The following DOCK3 variants were observed in gnomAD, a reference collection of about 807,000 sequenced individuals.
The protein encoded by DOCK3 is dedicator of cytokinesis 3, also known as dedicator of cytokinesis protein 3.
In DOCK3, 60 loss-of-function variants were observed where a neutral mutation model predicts 265.6. The observed-to-expected ratio is 0.23, with a 90% CI of 0.18 to 0.28. DOCK3 has a LOEUF of 0.28. Ranked by LOEUF, DOCK3 falls within the 10% of genes least tolerant of loss-of-function variation. The pLI, the probability that DOCK3 is intolerant of heterozygous loss-of-function variation, is 1.00. For missense variants in DOCK3, 1,981 were observed against 2,594.3 expected (o/e 0.76, Z 5.14); for synonymous variants, 881 against 938.0 (o/e 0.94, Z 1.11).
At chr3:50,723,881 A>G (rs2037635407) in intron 1 of DOCK3, among the ~76,000 whole-genome samples, 1 of 152,230 alleles carries the variant, frequency 6.6e-6, no homozygotes. Context: ...TCTTCACAGC[A>G]AAAGAAACTA....
chr3:50,816,275 T>A (rs568997328), intron 2 of DOCK3, among the ~76,000 whole-genome samples: 1 of 152,068 alleles, frequency 6.6e-6, no homozygotes, highest in South Asian at 2.1e-4. Context: ...TTTTTCATTG[T>A]TTTTAGGATT....
intron 2 of DOCK3, among the ~76,000 whole-genome samples, chr3:50,779,541 G>A (rs941509893): frequency 3.3e-5 from 5 of 151,866 alleles, no homozygotes; most frequent in Non-Finnish European, 7.4e-5. Context: ...CCACCACCAC[G>A]CCCAGCTAAT....
rs370291336 is a variant in DOCK3, at chr3:50,920,850, A to G, written c.219-13131A>G. 4.5e-4 allele frequency among the ~76,000 whole-genome samples: 68 copies of G among 152,062 alleles called. No homozygotes were observed. The Middle Eastern group carries it at 0.01, about 23-fold the overall frequency. On this transcript the variant is annotated intron_variant, in intron 4 of 52. Coordinates refer to ENST00000266037, the MANE Select transcript of DOCK3 (RefSeq NM_004947.5). Reference sequence around the variant, plus strand: ...TTTTAATTGTGATGTTAGGGTGTCAATTTTAGATCTTTCCTGCTTTCTCTT... The same window carrying G: ...TTTTAATTGTGATGTTAGGGTGTCAGTTTTAGATCTTTCCTGCTTTCTCTT...
At chr3:51,026,003 G>A (rs535522699) in intron 5 of DOCK3, among the ~76,000 whole-genome samples, 20 of 152,042 alleles carry the variant, frequency 1.3e-4, no homozygotes, top group African/African-American at 4.8e-4. Flanking sequence ...CAAAGGGTCT[G>A]TAGATTCTTT....
chr3:51,033,942 C>G (rs957822006), intron 5 of DOCK3, among the ~76,000 whole-genome samples: 2 of 152,134 alleles, frequency 1.3e-5, no homozygotes, highest in Non-Finnish European at 2.9e-5. Flanking sequence ...ACTTAAGCCT[C>G]ACAGTAAGTT....
chr3:50,789,541 G>A (rs188559245), intron 2 of DOCK3, among the ~76,000 whole-genome samples: 1 of 152,248 alleles, frequency 6.6e-6, no homozygotes, highest in East Asian at 1.9e-4. Flanking sequence ...TGGTCTTTCT[G>A]TCTTGATAAC....
chr3:51,040,303 A>C (rs1341010237), intron 5 of DOCK3, among the ~76,000 whole-genome samples: 2 of 152,130 alleles, frequency 1.3e-5, no homozygotes, highest in Middle Eastern at 3.2e-3. Context: ...GAGGTACTGT[A>C]AATGTGGTTC....
intron 5 of DOCK3, among the ~76,000 whole-genome samples, chr3:50,996,452 T>C (rs1194013875): frequency 6.6e-6 from 1 of 152,054 alleles, no homozygotes; most frequent in East Asian, 1.9e-4. Context: ...CTCCTAACCT[T>C]GTGATCCGCC....
At chr3:51,106,371 C>T (rs113324607) in intron 9 of DOCK3, among the ~76,000 whole-genome samples, 1 of 152,360 alleles carries the variant, frequency 6.6e-6, no homozygotes, top group African/African-American at 2.4e-5. Context: ...TGACAGGCTG[C>T]AGCCCACCCA....
At chr3:51,317,027 T>C (rs1308935960) in intron 32 of DOCK3, among the ~76,000 whole-genome samples, 1 of 152,124 alleles carries the variant, frequency 6.6e-6, no homozygotes, top group Non-Finnish European at 1.5e-5. Context: ...CCAAGAACTT[T>C]TTCTTAACAT....
intron 1 of DOCK3, among the ~76,000 whole-genome samples, chr3:50,747,396 G>T (rs1336823610): frequency 6.6e-6 from 1 of 152,138 alleles, no homozygotes; most frequent in East Asian, 1.9e-4. Context: ...AATTTGGAGA[G>T]AATCATCATC....
chr3:50,701,092 T>C (rs1228863426), intron 1 of DOCK3, among the ~76,000 whole-genome samples: 1 of 152,038 alleles, frequency 6.6e-6, no homozygotes, highest in Non-Finnish European at 1.5e-5. Flanking sequence ...TATGTTTTCT[T>C]TGGAGAATGT....
chr3:51,352,855 T>TCAGC (rs1188032129), intron 40 of DOCK3, among the ~76,000 whole-genome samples: 1 of 152,190 alleles, frequency 6.6e-6, no homozygotes, highest in Non-Finnish European at 1.5e-5. Flanking sequence ...AAACCAACAG[T>TCAGC]CAGCCTCAAG....
chr3:51,230,296 G>A (rs1011525750), intron 19 of DOCK3, among the ~76,000 whole-genome samples: 2 of 152,068 alleles, frequency 1.3e-5, no homozygotes, highest in African/African-American at 2.4e-5. Context: ...GTAGTCCCCA[G>A]TGTCTACTGT....
chr3:51,312,208 G>C (rs1040030902), intron 29 of DOCK3, 129 bp downstream of exon 29: 12 of 871,280 alleles, frequency 1.4e-5, no homozygotes, highest in Non-Finnish European at 2.1e-5. Flanking sequence ...ATGATGATTA[G>C]AATATGACCT....
intron 40 of DOCK3, 87 bp from the exon 41 acceptor site, chr3:51,354,795 T>A: frequency 6.5e-7 from 1 of 1,538,742 alleles, no homozygotes; most frequent in Non-Finnish European, 8.8e-7. Context: ...AAGATATGTT[T>A]GTGCTATATG....
intron 9 of DOCK3, among the ~76,000 whole-genome samples, chr3:51,097,541 C>T (rs2082905603): frequency 6.6e-6 from 1 of 152,218 alleles, no homozygotes; most frequent in Admixed American, 6.5e-5. Context: ...GCTTCCAGGG[C>T]TCCATGGGGG....
At chr3:51,283,255 T>G (rs1316324141) in intron 27 of DOCK3, among the ~76,000 whole-genome samples, 3 of 152,192 alleles carry the variant, frequency 2.0e-5, no homozygotes, top group African/African-American at 7.2e-5. Context: ...ACCCCACCCC[T>G]GGCACTGCAC....
chr3:50,907,788 G>A (rs891870145), intron 4 of DOCK3, among the ~76,000 whole-genome samples: 1 of 152,006 alleles, frequency 6.6e-6, no homozygotes, highest in Non-Finnish European at 1.5e-5. Context: ...ATTTGATCCT[G>A]TCATTATGAT....
Sources: gnomAD v4.1 joint callset for allele counts (sites outside exome capture counted in the v4.1 genomes callset) on GRCh38, gnomAD v4.1.1 for gene constraint, MANE v1.5 for transcripts, NCBI Gene and HGNC (gene_info 2026-07-23, HGNC 2026-07-21) for gene names.